The following PHLPP2 variants were observed in gnomAD, a reference collection of about 807,000 sequenced individuals.
PHLPP2 encodes the protein PH domain leucine-rich repeat-containing protein phosphatase 2.
A neutral mutation model predicts 124.9 loss-of-function variants in PHLPP2; 66 were observed. The ratio of observed to expected loss-of-function variants is 0.53; its 90% CI spans 0.43 to 0.65. PHLPP2 has a LOEUF of 0.65. Ranked by LOEUF, PHLPP2 falls within the 30% of genes least tolerant of loss-of-function variation. The pLI is 0.00. For synonymous variants in PHLPP2, 681 were observed against 624.7 expected, an observed-to-expected ratio of 1.09 and a Z score of -1.34; for missense variants, 1,685 against 1,600.4, an observed-to-expected ratio of 1.05 and a Z score of -0.90.
At chr16:71,703,233 T>G (rs1187935749) in intron 2 of PHLPP2, among the ~76,000 whole-genome samples, 3 of 152,262 alleles carry the variant, frequency 2.0e-5, no homozygotes, top group Non-Finnish European at 4.4e-5. Context: ...ACAAGTGTTT[T>G]TTTAACTTTT....
chr16:71,667,268 G>A lies in PHLPP2; in HGVS notation c.1694C>T (p.Thr565Ile). The A allele has an allele frequency of 2.5e-6, 4 of 1,613,672 alleles. No homozygotes were observed. Among genetic ancestry groups the A allele is most frequent in the Non-Finnish European group, 3.4e-6 (4 of 1,179,694 alleles). ...CTCGAGGGGGATGTGCTCTACCAGT[G>A]TTGGAAGGTTTTGCACATGATTGTG... ...LGHNHVQNLP[T>I]LVEHIPLEVL... Residue 565 changes from threonine to isoleucine, a missense_variant, in exon 12 of 19, where the codon ACA becomes ATA. Coordinates refer to ENST00000568954, the MANE Select transcript of PHLPP2 (RefSeq NM_015020.3).
intron 13 of PHLPP2, among the ~76,000 whole-genome samples, chr16:71,661,427 T>A (rs1008249426): frequency 3.3e-5 from 5 of 152,190 alleles, no homozygotes; most frequent in Admixed American, 6.5e-5. Flanking sequence ...ATGTTTTAAG[T>A]TTTATATCAA....
At chr16:71,723,978 C>CCTCCGGCGGCTCGCCAG in intron 1 of PHLPP2, 1 of 257,754 alleles carries the variant, frequency 3.9e-6, no homozygotes, top group Non-Finnish European at 6.1e-6. Context: ...CGGCTCCGCC[C>CCTCCGGCGGCTCGCCAG]CTCCGGCGGC....
At chr16:71,659,680 C>G (rs937400349) in intron 13 of PHLPP2, among the ~76,000 whole-genome samples, 4 of 152,220 alleles carry the variant, frequency 2.6e-5, no homozygotes, top group African/African-American at 4.8e-5. Context: ...GTGATTCACA[C>G]TGTTCCATGA....
intron 17 of PHLPP2, 135 bp downstream of exon 17, chr16:71,655,105 A>G: frequency 1.5e-6 from 1 of 658,174 alleles, no homozygotes; most frequent in Non-Finnish European, 2.7e-6. Context: ...CATATAGAGA[A>G]TGATCATAGA....
In PHLPP2 at chr16:71,664,102, G is replaced by T; in HGVS notation, c.1785-3C>A. ...CAGATGCATTCAAGTATCTGAGACT[G>T]ACAGAACACACACAGATCATCACCT... On this transcript the variant is annotated splice_region_variant and splice_polypyrimidine_tract_variant and intron_variant, in intron 12 of 18. Transcript: ENST00000568954. The T allele has an allele frequency of 6.2e-7, 1 of 1,600,508 alleles. No individual in the cohort carries two copies. The highest frequency in any genetic ancestry group is 1.1e-5 in the South Asian group (1 of 90,832).
At position 71,669,383 on chromosome 16, in the gene PHLPP2, A is replaced by G; in HGVS notation, c.1533-13T>C. On this transcript the variant is annotated splice_polypyrimidine_tract_variant and intron_variant, in intron 10 of 18. Transcript: ENST00000568954. Reference sequence around the variant, plus strand: ...CTCTAGCAGGTTTCTGCAGAAAATAAATAATTAAATGGCACCATTTAAGAT... The same window carrying G: ...CTCTAGCAGGTTTCTGCAGAAAATAGATAATTAAATGGCACCATTTAAGAT... The G allele has an allele frequency of 6.4e-7, 1 of 1,564,940 alleles. No homozygotes were observed. The highest frequency in any genetic ancestry group is 2.2e-5 in the East Asian group (1 of 44,690).
chr16:71,699,127 A>C (rs1278267909), intron 3 of PHLPP2, among the ~76,000 whole-genome samples: 4 of 152,148 alleles, frequency 2.6e-5, no homozygotes, highest in Admixed American at 2.6e-4. Context: ...TGGAGGAAAA[A>C]GGTGAGAGGG....
At chr16:71,654,544 T>C (rs917496523) in intron 17 of PHLPP2, among the ~76,000 whole-genome samples, 1 of 152,214 alleles carries the variant, frequency 6.6e-6, no homozygotes, top group Non-Finnish European at 1.5e-5. Flanking sequence ...AGCCAGCCAC[T>C]TGATCACAAG....
At chr16:71,714,442 C>A in intron 2 of PHLPP2, 70 bp downstream of exon 2, 1 of 1,459,318 alleles carries the variant, frequency 6.9e-7, no homozygotes, top group Non-Finnish European at 9.0e-7. Context: ...ATCCTAAAGT[C>A]CAGTTCTAAG....
In PHLPP2 at chr16:71,681,886, C is replaced by T; in HGVS notation, c.755G>A (p.Ser252Asn). ...QASKVVSQRI[S>N]TVDLSCYSLE... is the part of the protein sequence containing the mutation. Reference sequence around the variant, plus strand: ...GCTGTAACACGAGAGATCCACGGTACTGATTCGCTGGGACACCACCTGAAT... The same window carrying T: ...GCTGTAACACGAGAGATCCACGGTATTGATTCGCTGGGACACCACCTGAAT... The change falls in exon 6 of 19, where the codon AGT becomes AAT. Residue 252 changes from serine to asparagine, a missense_variant. Ser to Asn is a conservative substitution (Grantham distance 46). Transcript: ENST00000568954. 6.2e-7 allele frequency: 1 copy of T among 1,612,252 alleles called. No homozygotes were observed. The highest frequency in any genetic ancestry group is 8.5e-7 in the Non-Finnish European group (1 of 1,179,126).
intron 16 of PHLPP2, 93 bp downstream of exon 16, chr16:71,656,478 C>T: frequency 1.4e-6 from 1 of 720,668 alleles, no homozygotes; most frequent in Admixed American, 2.1e-5. Flanking sequence ...TACAACAGAA[C>T]AACATGGCCT....
At chr16:71,701,089 A>G (rs1156865206) in intron 3 of PHLPP2, among the ~76,000 whole-genome samples, 2 of 152,192 alleles carry the variant, frequency 1.3e-5, no homozygotes, top group Non-Finnish European at 2.9e-5. Flanking sequence ...TGAATCTTCC[A>G]GGCCTACTCA....
chr16:71,691,554 A>T (rs1003618366), intron 3 of PHLPP2, among the ~76,000 whole-genome samples: 3 of 152,092 alleles, frequency 2.0e-5, no homozygotes, highest in Non-Finnish European at 4.4e-5. Context: ...GTACAAAAAG[A>T]ACATGGAATA....
In PHLPP2 at chr16:71,714,740, C is replaced by G. The variant is rs757049172; in HGVS notation, c.56G>C (p.Arg19Pro). ...CLNRRSRFGS[R>P]ERDWLREDVK... ...ATCTTCTCTTAGCCAGTCTCTTTCTCGAGAACCAAACCTACTTCTCCTATT... is the reference window on the plus strand; with the variant it reads ...ATCTTCTCTTAGCCAGTCTCTTTCTGGAGAACCAAACCTACTTCTCCTATT... The change falls in exon 2 of 19, where the codon CGA (arginine) becomes CCA (proline). Residue 19 changes from arginine (R) to proline (P), a missense_variant. By Grantham distance (103) the Arg-to-Pro change is moderately radical (BLOSUM62 -2). Coordinates refer to ENST00000568954, the MANE Select transcript of PHLPP2 (RefSeq NM_015020.3). 4 of 1,614,104 alleles carry G rather than the reference C, an allele frequency of 2.5e-6. No homozygotes were observed. Among genetic ancestry groups the G allele is most frequent in the Non-Finnish European group, 3.4e-6 (4 of 1,179,996 alleles).
At chr16:71,672,212 T>A (rs2044900488) in intron 10 of PHLPP2, 50 bp downstream of exon 10, 1 of 1,361,386 alleles carries the variant, frequency 7.3e-7, no homozygotes, top group East Asian at 2.3e-5. Flanking sequence ...AATCCACATG[T>A]ATCTCTTAAA....
intron 1 of PHLPP2, among the ~76,000 whole-genome samples, chr16:71,722,560 T>C (rs978123953): frequency 2.0e-5 from 3 of 152,256 alleles, no homozygotes; most frequent in African/African-American, 7.2e-5. Flanking sequence ...CCCATCTTTG[T>C]AACATCGTAC....
In PHLPP2 at chr16:71,649,746, C is replaced by G; in HGVS notation, c.3116G>C (p.Gly1039Ala). ...GAGCCCATTCATTTCACAAGTGCAG[C>G]CTTCCTCACCAATATTCAAATAAAC... Reference protein sequence around the residue: ...MVVYLNIGEEGCTCEMNGLTL... With the variant: ...MVVYLNIGEEACTCEMNGLTL... The change falls in exon 19 of 19, where the codon GGC becomes GCC. Residue 1039 changes from glycine to alanine, a missense_variant. By Grantham distance (60) the Gly-to-Ala change is moderately conservative (BLOSUM62 0). Coordinates refer to ENST00000568954, the MANE Select transcript of PHLPP2 (RefSeq NM_015020.3). 6.2e-7 allele frequency: 1 copy of G among 1,614,204 alleles called. No individual in the cohort carries two copies. The highest frequency in any genetic ancestry group is 8.5e-7 in the Non-Finnish European group (1 of 1,180,046).
chr16:71,658,461 T>A, intron 14 of PHLPP2, 98 bp from the exon 15 acceptor site: 1 of 1,256,552 alleles, frequency 8.0e-7, no homozygotes. Context: ...AAAGAGGAAC[T>A]TAATTTCTTC....
Sources: allele counts gnomAD v4.1 joint callset (sites outside exome capture counted in the v4.1 genomes callset), GRCh38; gene constraint gnomAD v4.1.1; transcripts MANE v1.5; gene names NCBI Gene and HGNC (gene_info 2026-07-23, HGNC 2026-07-21).